The following TRIM34 variants were observed in gnomAD, a reference collection of about 807,000 sequenced individuals.
TRIM34 encodes E3 ubiquitin-protein ligase TRIM34.
Under a neutral mutation model 38.1 loss-of-function variants are expected in TRIM34, and 41 were observed. That is an observed-to-expected ratio of 1.08 (90% CI 0.84 to 1.40). The LOEUF is 1.40. TRIM34 is among the 40% of genes most tolerant of loss of function. The pLI is 0.00. For missense variants in TRIM34, 556 were observed against 571.4 expected (o/e 0.97, Z 0.27); for synonymous variants, 200 against 202.5 (o/e 0.99, Z 0.10).
upstream of TRIM34, among the ~76,000 whole-genome samples, chr11:5,623,534 ATTT>A (rs372066980): frequency 2.2e-4 from 28 of 126,622 alleles, no homozygotes; most frequent in East Asian, 1.2e-3. Context: ...TGCCCGGCTA[ATTT>A]TTTTTTTTTT....
Position 5,632,659 on chromosome 11 carries a change from G to A in TRIM34, c.328G>A (p.Glu110Lys). 1 of 1,612,858 alleles carries A rather than the reference G, an allele frequency of 6.2e-7. No individual in the cohort carries two copies. The highest frequency in any genetic ancestry group is 8.5e-7 in the Non-Finnish European group (1 of 1,179,808). Residue 110 changes from glutamate (E) to lysine (K), a missense_variant, in exon 2 of 8, where the codon GAG becomes AAG. Glu to Lys is a moderately conservative substitution (Grantham distance 56, BLOSUM62 1). Coordinates refer to ENST00000429814, the MANE Select transcript of TRIM34 (RefSeq NM_021616.6). ...AGAGAAACTCCTACTCTTCTGTAAG[G>A]AGGATAGGAAAGTCATTTGCTGGCT... ...HGEKLLLFCK[E>K]DRKVICWLCE...
At chr11:5,635,307 G>T (rs1176379430) in intron 4 of TRIM34, among the ~76,000 whole-genome samples, 1 of 149,522 alleles carries the variant, frequency 6.7e-6, no homozygotes, top group African/African-American at 2.5e-5. Context: ...CCAGGCTGGA[G>T]TGCAGTGGTG....
rs1850120531 is a variant in TRIM34 at position 5,643,607 on chromosome 11, C to T, written c.1365C>T (p.Leu455=). 1.9e-6 allele frequency: 3 copies of T among 1,614,042 alleles called. No homozygotes were observed. Among genetic ancestry groups the T allele is most frequent in the Non-Finnish European group, 2.5e-6 (3 of 1,180,018 alleles). The change falls in exon 8 of 8, where the codon CTC becomes CTT. Residue 455 remains leucine, a synonymous_variant. Coordinates refer to ENST00000429814, the MANE Select transcript of TRIM34 (RefSeq NM_021616.6). ...SFFNVTSHGS[L]IYKFSKCCFS... ...TCAATGTCACAAGCCATGGCTCCCT[C>T]ATTTACAAGTTCTCTAAATGTTGCT...
Position 5,643,162 on chromosome 11 carries a change from C to A in TRIM34, c.920C>A (p.Ser307Ter). 1 of 1,537,676 alleles carries A rather than the reference C, an allele frequency of 6.5e-7. No individual in the cohort carries two copies. Among genetic ancestry groups the A allele is most frequent in the South Asian group, 1.3e-5 (1 of 76,592 alleles). ...CTTGCAGTGGATGTCACACTGAATT[C>A]AGTCAACCTAAATTTGAATCTTGTC... Reference protein sequence around the residue: ...RCYWVDVTLNSVNLNLNLVLS... With the variant: ...RCYWVDVTLN Residue 307 changes from serine (S) to a stop codon, truncating the protein, a stop_gained, in exon 8 of 8, where the codon TCA becomes TAA. Transcript: ENST00000429814. LOFTEE classifies it low-confidence loss of function (END_TRUNC).
At chr11:5,642,655 A>T (rs1264383606) in intron 6 of TRIM34, 149 bp downstream of exon 6, 52 of 1,378,058 alleles carry the variant, frequency 3.8e-5, no homozygotes, top group Non-Finnish European at 4.5e-5. Flanking sequence ...GGATGCATTT[A>T]TATGTAAGGA....
At chr11:5,641,679 G>T (rs908447432) in intron 5 of TRIM34, among the ~76,000 whole-genome samples, 1 of 152,104 alleles carries the variant, frequency 6.6e-6, no homozygotes, top group Non-Finnish European at 1.5e-5. Flanking sequence ...GCCTCAGGAC[G>T]GTAGCTGTGA....
intron 1 of TRIM34, among the ~76,000 whole-genome samples, chr11:5,627,206 ACT>A (rs780496384): frequency 6.6e-6 from 1 of 151,604 alleles, no homozygotes; most frequent in Non-Finnish European, 1.5e-5. Context: ...ACATGGTGAA[ACT>A]CTCTCTACTA....
At chr11:5,642,679 C>G (rs1850064317) in intron 6 of TRIM34, 138 bp from the exon 7 acceptor site, 14 of 1,317,888 alleles carry the variant, frequency 1.1e-5, no homozygotes, top group Non-Finnish European at 1.4e-5. Context: ...ATGGCTAGGT[C>G]TCTGGTTTAT....
At chr11:5,622,914 C>T (rs1002300040), upstream of TRIM34, among the ~76,000 whole-genome samples, 1 of 152,208 alleles carries the variant, frequency 6.6e-6, no homozygotes, top group Admixed American at 6.5e-5. Flanking sequence ...TGGTTTTATA[C>T]ATTTGAGGGA....
chr11:5,622,234 A>G (rs1174532739), upstream of TRIM34, among the ~76,000 whole-genome samples: 1 of 152,174 alleles, frequency 6.6e-6, no homozygotes, highest in Non-Finnish European at 1.5e-5. Flanking sequence ...TCATGAGGTC[A>G]AGAGTTTGAG....
At chr11:5,624,838 GGC>G (rs765081405), upstream of TRIM34, 2 of 152,128 alleles carry the variant, frequency 1.3e-5, no homozygotes, top group African/African-American at 2.4e-5. Context: ...TCTGTCCAGA[GGC>G]TCTAAAGGAC....
chr11:5,642,997 C>A, intron 7 of TRIM34, 147 bp from the exon 8 acceptor site: 1 of 1,339,518 alleles, frequency 7.5e-7, no homozygotes, highest in Non-Finnish European at 1.0e-6. Flanking sequence ...CCCTCCAATT[C>A]ATCAGTGCAA....
intron 4 of TRIM34, among the ~76,000 whole-genome samples, 167 bp downstream of exon 4, chr11:5,635,028 G>A (rs573078192): frequency 6.6e-6 from 1 of 152,108 alleles, no homozygotes; most frequent in African/African-American, 2.4e-5. Flanking sequence ...AATTTATGAA[G>A]TAAGGGAATA....
chr11:5,637,339 A>T (rs1467902699), intron 4 of TRIM34, among the ~76,000 whole-genome samples: 1 of 152,158 alleles, frequency 6.6e-6, no homozygotes, highest in African/African-American at 2.4e-5. Context: ...ACTGATACTC[A>T]TTTCGTAAGA....
chr11:5,624,830 T>G (rs186238844), upstream of TRIM34: 1 of 152,346 alleles, frequency 6.6e-6, no homozygotes, highest in Non-Finnish European at 1.5e-5. Flanking sequence ...CATTACCTTC[T>G]GTCCAGAGGC....
At chr11:5,642,055 A>C (rs2133956035) in intron 5 of TRIM34, among the ~76,000 whole-genome samples, 1 of 152,310 alleles carries the variant, frequency 6.6e-6, no homozygotes, top group Non-Finnish European at 1.5e-5. Flanking sequence ...TGAGTTTTCC[A>C]CATATCACAT....
chr11:5,626,279 C>T (rs933140834), intron 1 of TRIM34, among the ~76,000 whole-genome samples: 1 of 152,040 alleles, frequency 6.6e-6, no homozygotes, highest in African/African-American at 2.4e-5. Context: ...ACGTGGAAGC[C>T]TACATCCAAA....
chr11:5,628,961 G>A lies in TRIM34; in HGVS notation c.-77-3294G>A, dbSNP rs566191926. Among the ~76,000 whole-genome samples the A allele has an allele frequency of 2.6e-5, 4 of 152,144 alleles. No homozygotes were observed. In the South Asian group the frequency reaches 6.2e-4, roughly 24 times the overall value. ...ACATGGCTTTCTTTCCCGTGTGTCTGTATGTCTTCTCCTCTTATAAAAACA... is the reference window on the plus strand; with the variant it reads ...ACATGGCTTTCTTTCCCGTGTGTCTATATGTCTTCTCCTCTTATAAAAACA... On this transcript the variant is annotated intron_variant, in intron 1 of 7. Coordinates refer to ENST00000429814, the MANE Select transcript of TRIM34 (RefSeq NM_021616.6).
Position 5,632,301 on chromosome 11 carries a change from T to C in TRIM34, c.-31T>C, listed in dbSNP as rs1849514337. ...GAAGAGAGAGGAGAGCCTCAGGAGT[T>C]AGGACCAGAAGAAGCCAGGGAAGCA... On this transcript the variant is annotated 5_prime_UTR_variant, in exon 2 of 8. Coordinates refer to ENST00000429814, the MANE Select transcript of TRIM34 (RefSeq NM_021616.6). 6.2e-7 allele frequency: 1 copy of C among 1,613,702 alleles called. No homozygotes were observed. Among genetic ancestry groups the C allele is most frequent in the Non-Finnish European group, 8.5e-7 (1 of 1,179,876 alleles).
Sources: gnomAD v4.1 joint callset for allele counts (sites outside exome capture counted in the v4.1 genomes callset) on GRCh38, gnomAD v4.1.1 for gene constraint, MANE v1.5 for transcripts, NCBI Gene and HGNC (gene_info 2026-07-23, HGNC 2026-07-21) for gene names.